The following CLTCL1 variants were observed in gnomAD, a reference collection of about 807,000 sequenced individuals.
CLTCL1 encodes clathrin heavy chain like 1.
Under a neutral mutation model 190.0 loss-of-function variants are expected in CLTCL1, and 159 were observed. That is an observed-to-expected ratio of 0.84 (90% CI 0.74 to 0.95). The LOEUF (loss-of-function observed/expected upper bound fraction) is 0.95. Ranked by LOEUF, CLTCL1 falls within the 40% of genes least tolerant of loss-of-function variation. CLTCL1 has a pLI of 0.00. For synonymous variants in CLTCL1, 752 were observed against 769.6 expected, an observed-to-expected ratio of 0.98 and a Z score of 0.38; for missense variants, 1,878 against 2,033.4, an observed-to-expected ratio of 0.92 and a Z score of 1.47.
intron 30 of CLTCL1, chr22:19,181,923 T>C (rs1438171868): frequency 6.6e-6 from 1 of 152,252 alleles, no homozygotes; most frequent in African/African-American, 2.4e-5. Context: ...GGGCCAAGGC[T>C]GTGCAGCCAC....
At position 19,196,264 on chromosome 22, in the gene CLTCL1, A is replaced by G; in HGVS notation, c.4191+2T>C. ...GAGCCAGCGCTCTGTATCCCCTCTT[A>G]CCTTGGTAATGATGTCCTTGAACTG... On this transcript the variant is annotated splice_donor_variant, in intron 26 of 32. Coordinates refer to ENST00000427926, the MANE Select transcript of CLTCL1 (RefSeq NM_007098.4). LOFTEE classifies it high-confidence loss of function. 6.2e-7 allele frequency: 1 copy of G among 1,612,330 alleles called. No homozygotes were observed. Among genetic ancestry groups the G allele is most frequent in the Non-Finnish European group, 8.5e-7 (1 of 1,179,746 alleles).
rs5748063 is a variant in CLTCL1, at chr22:19,239,945, C to T, written c.682-557G>A. Among the ~76,000 whole-genome samples the T allele has an allele frequency of 9.4e-3, 1,402 of 148,360 alleles. 32 individuals are homozygous for T. Among genetic ancestry groups the T allele is most frequent in the East Asian group, 0.067 (339 of 5,056 alleles). ...GTGCCTTCCCTATAACTTTCTTTTT[C>T]TTCTTTTTTTTTTTTTTTTTTAAGA... On this transcript the variant is annotated intron_variant, in intron 4 of 32. Transcript: ENST00000427926.
At chr22:19,241,011 G>A (rs775586278) in intron 4 of CLTCL1, among the ~76,000 whole-genome samples, 2 of 152,202 alleles carry the variant, frequency 1.3e-5, no homozygotes, top group Non-Finnish European at 2.9e-5. Flanking sequence ...GGCGGGGCGG[G>A]CACCCTCCCA....
intron 2 of CLTCL1, among the ~76,000 whole-genome samples, chr22:19,259,369 G>A (rs1555974411): frequency 3.9e-5 from 6 of 152,098 alleles, no homozygotes; most frequent in African/African-American, 1.4e-4. Context: ...GCCTCCCAAA[G>A]TGCTGGGATT....
intron 11 of CLTCL1, among the ~76,000 whole-genome samples, chr22:19,228,056 C>G (rs1353050461): frequency 2.6e-5 from 4 of 152,126 alleles, no homozygotes; most frequent in African/African-American, 9.7e-5. Context: ...CTTTCTTATT[C>G]CTTCTAGGAT....
chr22:19,242,976 G>A (rs1569215234), intron 3 of CLTCL1, 40 bp from the exon 4 acceptor site: 1 of 1,559,986 alleles, frequency 6.4e-7, no homozygotes, highest in African/African-American at 1.4e-5. Context: ...AGAGAAAAGA[G>A]AGGAATATAA....
In CLTCL1 at chr22:19,222,065, A is replaced by G. The variant is rs182436482; in HGVS notation, c.2447T>C (p.Ile816Thr). 5.0e-6 allele frequency: 8 copies of G among 1,613,854 alleles called. No homozygotes were observed. The African/African-American group carries it at 6.7e-5, about 13-fold the overall frequency. Residue 816 changes from isoleucine to threonine, a missense_variant, in exon 16 of 33, where the codon ATT becomes ACT. Physicochemically the swap from Ile to Thr is moderately conservative, Grantham distance 89 (BLOSUM62 -1). Coordinates refer to ENST00000427926, the MANE Select transcript of CLTCL1 (RefSeq NM_007098.4). ...ACAATCCACATCAAGCAGCCCTCCAATCACAGCTGGGGTCCGGCTAGGGTT... is the reference window on the plus strand; with the variant it reads ...ACAATCCACATCAAGCAGCCCTCCAGTCACAGCTGGGGTCCGGCTAGGGTT... The part of the protein sequence containing the change: ...KVNPSRTPAV[I>T]GGLLDVDCSE...
At chr22:19,287,451 G>A (rs1289582068) in intron 1 of CLTCL1, among the ~76,000 whole-genome samples, 1 of 152,186 alleles carries the variant, frequency 6.6e-6, no homozygotes, top group Non-Finnish European at 1.5e-5. Flanking sequence ...CGGCAGCAGA[G>A]TTGAGCAGGT....
At chr22:19,256,815 C>T (rs2518866) in intron 2 of CLTCL1, among the ~76,000 whole-genome samples, 11,870 of 151,996 alleles carry the variant, frequency 0.078, 537 homozygotes, top group Middle Eastern at 0.17. Flanking sequence ...CTTTTGTTTG[C>T]TTGGTGGAAA....
Position 19,209,109 on chromosome 22 carries a change from C to T in CLTCL1, c.3255G>A (p.Leu1085=). 1.2e-6 allele frequency: 2 copies of T among 1,600,150 alleles called. No homozygotes were observed. The highest frequency in any genetic ancestry group is 1.7e-6 in the Non-Finnish European group (2 of 1,172,774). The change falls in exon 21 of 33, where the codon CTG becomes CTA. Residue 1085 remains leucine (L), a synonymous_variant. Transcript: ENST00000427926. ...GGTCCAGGTTTCCAATGTGCTCGAT[C>T]AGGACCTAGGGGTTATGAGAGGACT... ...FDMNASAIQV[L]IEHIGNLDRA... is the part of the protein sequence containing the mutation.
chr22:19,271,528 C>T (rs2087319692), intron 2 of CLTCL1, among the ~76,000 whole-genome samples: 1 of 152,126 alleles, frequency 6.6e-6, no homozygotes, highest in African/African-American at 2.4e-5. Context: ...GCTTGCTTCC[C>T]CTTCACCTTC....
intron 29 of CLTCL1, among the ~76,000 whole-genome samples, chr22:19,186,942 CT>C (rs34819932): frequency 5.9e-4 from 86 of 144,960 alleles, no homozygotes; most frequent in Non-Finnish European, 8.0e-4. Flanking sequence ...TTCCTCAAAT[CT>C]TTTTTTTTTT....
rs193134832 is a variant in CLTCL1 at position 19,223,457 on chromosome 22, G to A, written c.2292+434C>T. Among the ~76,000 whole-genome samples, 42 of 150,678 alleles carry A rather than the reference G, an allele frequency of 2.8e-4. No individual in the cohort carries two copies. In the East Asian group the frequency reaches 6.6e-3, roughly 24 times the overall value. On this transcript the variant is annotated intron_variant, in intron 14 of 32. Coordinates refer to ENST00000427926, the MANE Select transcript of CLTCL1 (RefSeq NM_007098.4). The stretch of plus-strand genomic sequence containing the variant: ...GACATCCAGGTGAGGTGCTGAACAC[G>A]GCAAAGCAGCCATGAAGCTGGTCCT...
chr22:19,247,504 G>A (rs2086455569), intron 3 of CLTCL1, among the ~76,000 whole-genome samples: 1 of 152,080 alleles, frequency 6.6e-6, no homozygotes, highest in Non-Finnish European at 1.5e-5. Flanking sequence ...TGATTTCTTT[G>A]TAAAGAGGCA....
chr22:19,275,618 T>A lies in CLTCL1; in HGVS notation c.250+5A>T. On this transcript the variant is annotated splice_donor_5th_base_variant and intron_variant, in intron 2 of 32. Coordinates refer to ENST00000427926, the MANE Select transcript of CLTCL1 (RefSeq NM_007098.4). ...ATTCCTTTCTAACAATCCCATCGGG[T>A]TTACCTTTCAGAGCTATCACCTTAG... The A allele has an allele frequency of 6.3e-7, 1 of 1,595,084 alleles. No homozygotes were observed. Among genetic ancestry groups the A allele is most frequent in the East Asian group, 2.3e-5 (1 of 44,356 alleles).
chr22:19,186,918 T>A (rs1184017958), intron 29 of CLTCL1, among the ~76,000 whole-genome samples: 1 of 148,686 alleles, frequency 6.7e-6, no homozygotes, highest in Non-Finnish European at 1.5e-5. Flanking sequence ...GTGATTTTAA[T>A]TTAGGTTTTT....
intron 28 of CLTCL1, 90 bp downstream of exon 28, chr22:19,187,891 G>T: frequency 7.0e-7 from 1 of 1,426,764 alleles, no homozygotes; most frequent in Non-Finnish European, 9.8e-7. Flanking sequence ...ACACCCTCCT[G>T]TGCAAAGGCA....
At chr22:19,193,731 T>C (rs2084595797) in intron 26 of CLTCL1, among the ~76,000 whole-genome samples, 1 of 152,232 alleles carries the variant, frequency 6.6e-6, no homozygotes, top group Admixed American at 6.5e-5. Flanking sequence ...ATGGTGAGTG[T>C]TACAGCTCTT....
At chr22:19,258,334 A>G in intron 2 of CLTCL1, 1 of 417,406 alleles carries the variant, frequency 2.4e-6, no homozygotes, top group Non-Finnish European at 4.6e-6. Context: ...TACTGATCCC[A>G]GCAGATTGAG....
Sources: allele counts gnomAD v4.1 joint callset (sites outside exome capture counted in the v4.1 genomes callset), GRCh38; gene constraint gnomAD v4.1.1; transcripts MANE v1.5; gene names NCBI Gene and HGNC (gene_info 2026-07-23, HGNC 2026-07-21).